NOS1: variants seen among roughly 807,000 people sequenced by gnomAD.
NOS1 encodes nitric oxide synthase 1.
Under a neutral mutation model 164.5 loss-of-function variants are expected in NOS1, and 51 were observed. The ratio of observed to expected loss-of-function variants is 0.31; its 90% CI spans 0.25 to 0.39. The LOEUF (loss-of-function observed/expected upper bound fraction) is 0.39. Ranked by LOEUF, NOS1 falls within the 10% of genes least tolerant of loss-of-function variation. The pLI, the probability that NOS1 is intolerant of heterozygous loss-of-function variation, is 1.00. For synonymous variants in NOS1, 719 were observed against 745.8 expected (o/e 0.96, Z 0.59); for missense variants, 1,362 against 1,885.6 (o/e 0.72, Z 5.14).
chr12:117,330,860 C>T lies in NOS1; in HGVS notation c.210G>A (p.Arg70=). Residue 70 remains arginine, a synonymous_variant, in exon 2 of 29, where the codon CGG becomes CGA. Transcript: ENST00000317775. The surrounding 1 kb of genome is among the most constrained non-coding windows in gnomAD (Gnocchi z 4.6). The part of the protein sequence containing the change: ...AGDIILAVNG[R]PLVDLSYDSA... ...TGTCATAGCTCAGGTCCACCAAGGG[C>T]CGGCCGTTGACCGCAAGAATGATGT... The T allele has an allele frequency of 6.2e-7, 1 of 1,614,120 alleles. No individual in the cohort carries two copies. Among genetic ancestry groups the T allele is most frequent in the Non-Finnish European group, 8.5e-7 (1 of 1,180,004 alleles).
At chr12:117,232,546 G>A (rs1329559283) in intron 21 of NOS1, among the ~76,000 whole-genome samples, 2 of 152,026 alleles carry the variant, frequency 1.3e-5, no homozygotes, top group Non-Finnish European at 2.9e-5. Context: ...TCTATATGCC[G>A]AGTACTATTA....
intron 18 of NOS1, among the ~76,000 whole-genome samples, chr12:117,246,603 A>T (rs955517434): frequency 5.3e-5 from 8 of 151,896 alleles, no homozygotes; most frequent in Admixed American, 2.0e-4. Flanking sequence ...ACACTGAAAA[A>T]CTTTTTTATC....
chr12:117,258,425 G>A lies in NOS1; in HGVS notation c.2503C>T (p.His835Tyr). Residue 835 changes from histidine to tyrosine, a missense_variant, in exon 16 of 29, where the codon CAC (histidine) becomes TAC (tyrosine). His to Tyr is a moderately conservative substitution (Grantham distance 83). This residue lies in a region of NOS1 where 737 missense variants were observed against 1,030.3 expected (regional missense o/e 0.72). Coordinates refer to ENST00000317775, the MANE Select transcript of NOS1 (RefSeq NM_000620.5). ...KFGCALMEMR[H>Y]PNSVQEERKS... is the part of the protein sequence containing the mutation. ...CTTTCTTCCTGCACAGAGTTGGGGT[G>A]CCTCATTTCCATCAAAGCACAGCCG... 2 of 1,614,150 alleles carry A rather than the reference G, an allele frequency of 1.2e-6. No homozygotes were observed. Among genetic ancestry groups the A allele is most frequent in the Non-Finnish European group, 1.7e-6 (2 of 1,180,026 alleles).
Position 117,361,544 on chromosome 12 carries a change from C to G in NOS1, c.-453G>C, listed in dbSNP as rs1877159609. 1 of 152,026 alleles carries G rather than the reference C, an allele frequency of 6.6e-6. No individual in the cohort carries two copies. The highest frequency in any genetic ancestry group is 1.5e-5 in the Non-Finnish European group (1 of 68,076). The allele number at this position is 152,026 out of a possible 1,614,324, so 9.4% of individuals were successfully genotyped here. ...GCTCGGCCGCTGCTCGCTGCCCGGC[C>G]GCCCCTCGGAGGAGCCGCGGCGCTA... On this transcript the variant is annotated 5_prime_UTR_variant, in exon 1 of 29. Coordinates refer to ENST00000317775, the MANE Select transcript of NOS1 (RefSeq NM_000620.5).
At chr12:117,299,387 C>T (rs1191285998) in intron 3 of NOS1, among the ~76,000 whole-genome samples, 3 of 152,062 alleles carry the variant, frequency 2.0e-5, no homozygotes, top group African/African-American at 4.8e-5. Context: ...GCCTGTAATC[C>T]CAGCACTTTG....
intron 2 of NOS1, among the ~76,000 whole-genome samples, chr12:117,328,761 C>T (rs1173608048): frequency 6.6e-6 from 1 of 152,214 alleles, no homozygotes; most frequent in East Asian, 1.9e-4. Context: ...ATCTCCTTTA[C>T]ATATATCCCT....
chr12:117,359,897 T>TATATATAC (rs1877049384), intron 1 of NOS1, among the ~76,000 whole-genome samples: 1 of 43,036 alleles, frequency 2.3e-5, no homozygotes, highest in African/African-American at 1.0e-4. Context: ...TATATATATA[T>TATATATAC]ATATATATAT....
chr12:117,304,118 G>A (rs1175202807), intron 3 of NOS1, among the ~76,000 whole-genome samples: 1 of 152,038 alleles, frequency 6.6e-6, no homozygotes, highest in Non-Finnish European at 1.5e-5. Flanking sequence ...CTTGCAGTGA[G>A]CCGAGATCAG....
chr12:117,216,273 C>A (rs2135916848), intron 28 of NOS1, among the ~76,000 whole-genome samples: 1 of 151,364 alleles, frequency 6.6e-6, no homozygotes, highest in African/African-American at 2.4e-5. Context: ...AGCTCCACCT[C>A]CCAGGTTCAT....
At position 117,356,692 on chromosome 12, in the gene NOS1, T is replaced by A. The variant is rs1455469502; in HGVS notation, c.-421+4820A>T. Among the ~76,000 whole-genome samples, 1 of 152,214 alleles carries A rather than the reference T, an allele frequency of 6.6e-6. No homozygotes were observed. The highest frequency in any genetic ancestry group is 6.5e-5 in the Admixed American group (1 of 15,284). The stretch of plus-strand genomic sequence containing the variant: ...CGATAACTGCTGTTCATCCTTAGCA[T>A]CATACGACTGTGCCAAGACCCATGT... On this transcript the variant is annotated intron_variant, in intron 1 of 28. Transcript: ENST00000317775. This position sits in a 1 kb window ranked among gnomAD's most constrained non-coding sequence, Gnocchi z 4.2.
chr12:117,235,684 C>A (rs1869648561), intron 20 of NOS1, among the ~76,000 whole-genome samples: 1 of 152,290 alleles, frequency 6.6e-6, no homozygotes, highest in Non-Finnish European at 1.5e-5. Flanking sequence ...GTTCAAGAGG[C>A]CTGTGCTAAT....
At chr12:117,359,879 TATATATATATATATA>T (rs1877044016) in intron 1 of NOS1, among the ~76,000 whole-genome samples, 5 of 24,092 alleles carry the variant, frequency 2.1e-4, no homozygotes, top group East Asian at 2.0e-3. Flanking sequence ...AATGGTTTTA[TATATATATATATATA>T]TATATATATA....
chr12:117,215,964 G>C (rs1956603427), intron 28 of NOS1, among the ~76,000 whole-genome samples: 1 of 138,672 alleles, frequency 7.2e-6, no homozygotes, highest in East Asian at 2.2e-4. Context: ...TGCAACCTCT[G>C]CCTCCTAGGT....
Position 117,356,875 on chromosome 12 carries a change from T to C in NOS1, c.-421+4637A>G. 6.6e-6 allele frequency among the ~76,000 whole-genome samples: 1 copy of C among 152,210 alleles called. No homozygotes were observed. The highest frequency in any genetic ancestry group is 1.5e-5 in the Non-Finnish European group (1 of 68,036). On this transcript the variant is annotated intron_variant, in intron 1 of 28. Coordinates refer to ENST00000317775, the MANE Select transcript of NOS1 (RefSeq NM_000620.5). The surrounding 1 kb of genome is among the most constrained non-coding windows in gnomAD (Gnocchi z 4.2). ...CTTAAGAATGGGCATGTGAGCAACA[T>C]AAACACACTTGCAAAGGCTGAGTGG...
Position 117,211,932 on chromosome 12 carries a change from G to T in NOS1, c.*3377C>A. 1.6e-6 allele frequency: 1 copy of T among 626,130 alleles called. No homozygotes were observed. Among genetic ancestry groups the T allele is most frequent in the Non-Finnish European group, 2.0e-6 (1 of 501,842 alleles). The allele number at this position is 626,130 out of a possible 1,614,324, so 38.8% of individuals were successfully genotyped here. A position where few individuals can be genotyped will look rare whatever the true frequency, so the allele number is the denominator to read the frequency against. ...ATACAAAACTTAGCTGGGCGTGGTGGTAGGCGCCTGTAGTCCCAGTTACTC... is the reference window on the plus strand; with the variant it reads ...ATACAAAACTTAGCTGGGCGTGGTGTTAGGCGCCTGTAGTCCCAGTTACTC... On this transcript the variant is annotated 3_prime_UTR_variant, in exon 29 of 29. Coordinates refer to ENST00000317775, the MANE Select transcript of NOS1 (RefSeq NM_000620.5).
rs1169489568 is a variant in NOS1, at chr12:117,272,724, G to C, written c.1665-165C>G. 1.3e-5 allele frequency among the ~76,000 whole-genome samples: 2 copies of C among 152,196 alleles called. No homozygotes were observed. Among genetic ancestry groups the C allele is most frequent in the Non-Finnish European group, 2.9e-5 (2 of 68,032 alleles). Reference sequence around the variant, plus strand: ...CTGTGGAATTGCAGGTTCTGCAGCTGGGGGCCTGAGAATGTGCATTTTTAA... The same window carrying C: ...CTGTGGAATTGCAGGTTCTGCAGCTCGGGGCCTGAGAATGTGCATTTTTAA... On this transcript the variant is annotated intron_variant, in intron 9 of 28. Transcript: ENST00000317775. This position sits in a 1 kb window ranked among gnomAD's most constrained non-coding sequence, Gnocchi z 4.3.
At chr12:117,348,026 T>A (rs1876435429) in intron 1 of NOS1, 1 of 149,988 alleles carries the variant, frequency 6.7e-6, no homozygotes, top group African/African-American at 2.5e-5. Flanking sequence ...CATTTTTTTT[T>A]TTTTTTTTTT....
At chr12:117,349,030 G>T (rs1376841917) in intron 1 of NOS1, among the ~76,000 whole-genome samples, 1 of 152,206 alleles carries the variant, frequency 6.6e-6, no homozygotes, top group African/African-American at 2.4e-5. Flanking sequence ...AAAGAAACTC[G>T]TTGTACCATA....
Position 117,288,176 on chromosome 12 carries a change from T to C in NOS1, c.1025A>G (p.His342Arg). 6.2e-7 allele frequency: 1 copy of C among 1,614,038 alleles called. No homozygotes were observed. The highest frequency in any genetic ancestry group is 1.1e-5 in the South Asian group (1 of 91,084). The stretch of plus-strand genomic sequence containing the variant: ...AGGCCTCCTTGCATGCTGAGAAGGA[T>C]GCATGATGGAGCCCATGCAGATGTA... ...TEYICMGSIM[H>R]PSQHARRPED... is the part of the protein sequence containing the mutation. The change falls in exon 5 of 29, where the codon CAT becomes CGT. Residue 342 changes from histidine (H) to arginine (R), a missense_variant. His to Arg is a conservative substitution (Grantham distance 29). Around this residue, in one of 4 missense-constraint regions of NOS1, gnomAD observed 129 missense variants for 186.0 expected, o/e 0.69. Transcript: ENST00000317775.
Sources: allele counts gnomAD v4.1 joint callset (sites outside exome capture counted in the v4.1 genomes callset), GRCh38; gene constraint gnomAD v4.1.1; regional missense constraint gnomAD v4.1.1; non-coding constraint Gnocchi (gnomAD v3.1); transcripts MANE v1.5; gene names NCBI Gene and HGNC (gene_info 2026-07-23, HGNC 2026-07-21).